CDK14: variants seen among roughly 807,000 people sequenced by gnomAD.
CDK14 encodes cyclin dependent kinase 14.
CDK14 carries 34 observed loss-of-function variants against 60.7 expected under a neutral mutation model. That is an observed-to-expected ratio of 0.56 (90% CI 0.43 to 0.75). The LOEUF is 0.75. CDK14 is among the 30% of genes least tolerant of loss of function. The pLI is 0.00. For missense variants in CDK14, 482 were observed against 564.1 expected, an observed-to-expected ratio of 0.85 and a Z score of 1.47; for synonymous variants, 197 against 203.7, an observed-to-expected ratio of 0.97 and a Z score of 0.28.
At chr7:91,002,352 A>G (rs997784868) in intron 10 of CDK14, among the ~76,000 whole-genome samples, 5 of 152,214 alleles carry the variant, frequency 3.3e-5, no homozygotes, top group South Asian at 4.1e-4. Context: ...TATCTCTTAT[A>G]TATTTAAAAA....
At chr7:91,008,137 A>C (rs951717107) in intron 10 of CDK14, among the ~76,000 whole-genome samples, 2 of 143,576 alleles carry the variant, frequency 1.4e-5, no homozygotes, top group Admixed American at 6.9e-5. Context: ...CAAAAAAAAA[A>C]AAAAAAAACA....
At chr7:90,858,549 G>A (rs950563896) in intron 5 of CDK14, among the ~76,000 whole-genome samples, 7 of 152,142 alleles carry the variant, frequency 4.6e-5, no homozygotes, top group African/African-American at 1.7e-4. Context: ...TGCAAATAAT[G>A]TTCAATAATA....
At chr7:91,139,654 C>A (rs563972710) in intron 14 of CDK14, among the ~76,000 whole-genome samples, 1 of 152,198 alleles carries the variant, frequency 6.6e-6, no homozygotes, top group African/African-American at 2.4e-5. Context: ...AATGATTTCC[C>A]ATGTTCCTTG....
chr7:90,899,335 G>A lies in CDK14; in HGVS notation c.684G>A (p.Leu228=), dbSNP rs184702498. 1.9e-6 allele frequency: 3 copies of A among 1,601,494 alleles called. No homozygotes were observed. The African/African-American group carries it at 4.0e-5, about 22-fold the overall frequency. The change falls in exon 7 of 15, where the codon CTG becomes CTA. Residue 228 remains leucine, a synonymous_variant. Transcript: ENST00000380050. ...CQYMDKHPGG[L]HPDNVKLFLF... is the part of the protein sequence containing the mutation. ...ACATGGACAAGCACCCTGGGGGGCT[G>A]CATCCAGATAATGTGAAGGTAGGAA...
chr7:90,973,868 A>C (rs1335146944), intron 9 of CDK14, among the ~76,000 whole-genome samples: 1 of 152,130 alleles, frequency 6.6e-6, no homozygotes, highest in South Asian at 2.1e-4. Context: ...CCCACTGTGC[A>C]CGCATTGTCT....
chr7:90,974,352 T>C (rs993335169), intron 9 of CDK14, among the ~76,000 whole-genome samples: 1 of 152,178 alleles, frequency 6.6e-6, no homozygotes, highest in Admixed American at 6.6e-5. Flanking sequence ...CACAGGGTCC[T>C]GAGGCGACAT....
chr7:90,825,667 G>A (rs185999130), intron 5 of CDK14, among the ~76,000 whole-genome samples: 17 of 152,220 alleles, frequency 1.1e-4, no homozygotes, highest in African/African-American at 2.4e-4. Flanking sequence ...CAAATTATAC[G>A]AAATGTATTT....
At chr7:90,638,639 G>T (rs957739413) in intron 2 of CDK14, among the ~76,000 whole-genome samples, 2 of 152,064 alleles carry the variant, frequency 1.3e-5, no homozygotes, top group African/African-American at 2.4e-5. Flanking sequence ...GAGTATCTTT[G>T]TGGCGTTCTC....
At chr7:90,760,898 G>T (rs1485180635) in intron 4 of CDK14, among the ~76,000 whole-genome samples, 4 of 152,172 alleles carry the variant, frequency 2.6e-5, no homozygotes, top group African/African-American at 9.7e-5. Flanking sequence ...GTCCAAGGAG[G>T]ATAATAGCCC....
rs1462264999 is a variant in CDK14, at chr7:90,744,697, C to CTTTATTCTTAT, written c.370-2982_370-2981insTATTCTTATTT. 2.0e-3 allele frequency among the ~76,000 whole-genome samples: 207 copies of CTTTATTCTTAT among 103,930 alleles called. 1 individual carries two copies. Among genetic ancestry groups the CTTTATTCTTAT allele is most frequent in the Middle Eastern group, 4.9e-3 (1 of 204 alleles). The allele number at this position is 103,930 out of a possible 152,430, so 68.2% of individuals were successfully genotyped here. The stretch of plus-strand genomic sequence containing the variant: ...GCTGGCCGGGCAGAGGGGCTCCTCA[C>CTTTATTCTTAT]TTCCCAGTAGGGGCGGCCGGGCAGA... On this transcript the variant is annotated intron_variant, in intron 3 of 14. Transcript: ENST00000380050.
intron 2 of CDK14, 70 bp from the exon 3 acceptor site, chr7:90,726,497 A>G (rs1802637016): frequency 1.3e-6 from 2 of 1,493,838 alleles, no homozygotes; most frequent in Non-Finnish European, 1.8e-6. Context: ...TTCTAGAGTT[A>G]TATATTGGCA....
In CDK14 at chr7:90,711,882, A is replaced by ACGTTTTTTTTTTTT. The variant is rs1408956904; in HGVS notation, c.124-14685_124-14684insCGTTTTTTTTTTTT. Among the ~76,000 whole-genome samples the ACGTTTTTTTTTTTT allele has an allele frequency of 4.5e-5, 5 of 110,820 alleles. 1 individual carries two copies. Among genetic ancestry groups the ACGTTTTTTTTTTTT allele is most frequent in the Non-Finnish European group, 5.5e-5 (3 of 54,884 alleles). The allele number at this position is 110,820 out of a possible 152,430, so 72.7% of individuals were successfully genotyped here. A position where few individuals can be genotyped will look rare whatever the true frequency, so the allele number is the denominator to read the frequency against. On this transcript the variant is annotated intron_variant, in intron 2 of 14. Transcript: ENST00000380050. ...GTTCTTATGGAACTTATAGTCTACT[A>ACGTTTTTTTTTTTT]TGTTTTTTTTTTTTTTTTTCAATTG...
chr7:90,627,608 A>C (rs970499724), intron 2 of CDK14, among the ~76,000 whole-genome samples: 1 of 152,246 alleles, frequency 6.6e-6, no homozygotes, highest in Non-Finnish European at 1.5e-5. Context: ...GAAAAGAGAC[A>C]TGAATCTGGC....
intron 2 of CDK14, among the ~76,000 whole-genome samples, chr7:90,663,973 A>G (rs1800918584): frequency 6.6e-6 from 1 of 152,154 alleles, no homozygotes; most frequent in African/African-American, 2.4e-5. Flanking sequence ...GCTTCTGCAC[A>G]GCAAAAGAAA....
chr7:90,697,316 AT>A (rs1801680513), intron 2 of CDK14, among the ~76,000 whole-genome samples: 1 of 152,146 alleles, frequency 6.6e-6, no homozygotes, highest in South Asian at 2.1e-4. Flanking sequence ...ACATGAGAAA[AT>A]TGTCATTGAA....
intron 9 of CDK14, among the ~76,000 whole-genome samples, chr7:90,970,563 A>C (rs955843149): frequency 1.3e-5 from 2 of 152,234 alleles, no homozygotes; most frequent in Non-Finnish European, 2.9e-5. Flanking sequence ...CCCTGGATTC[A>C]GGAGATGCAG....
chr7:90,973,301 T>A (rs1794979872), intron 9 of CDK14, among the ~76,000 whole-genome samples: 1 of 152,112 alleles, frequency 6.6e-6, no homozygotes, highest in Non-Finnish European at 1.5e-5. Flanking sequence ...ATAGTCTAAG[T>A]TTGATGAGTC....
intron 2 of CDK14, among the ~76,000 whole-genome samples, chr7:90,672,965 T>C (rs979145910): frequency 6.6e-6 from 1 of 152,198 alleles, no homozygotes; most frequent in Non-Finnish European, 1.5e-5. Context: ...TCTAAGATAC[T>C]GGACACATTT....
rs1046495599 is a variant in CDK14 at position 90,668,726 on chromosome 7, T to C, written c.124-57841T>C. 2.1e-4 allele frequency among the ~76,000 whole-genome samples: 14 copies of C among 65,320 alleles called. 1 individual carries two copies. The highest frequency in any genetic ancestry group is 6.9e-4 in the African/African-American group (11 of 15,930). 42.9% of individuals were successfully genotyped at this position (65,320 alleles called of 152,430 possible). A position where few individuals can be genotyped will look rare whatever the true frequency, so the allele number is the denominator to read the frequency against. ...TTTTTTTTTTTTTTTTTTTTTTTTT[T>C]CAACTGGGGCCTTGTTCTGTTGCCC... On this transcript the variant is annotated intron_variant, in intron 2 of 14. Coordinates refer to ENST00000380050, the MANE Select transcript of CDK14 (RefSeq NM_001287135.2).
Sources: gnomAD v4.1 joint callset for allele counts (sites outside exome capture counted in the v4.1 genomes callset) on GRCh38, gnomAD v4.1.1 for gene constraint, MANE v1.5 for transcripts, NCBI Gene and HGNC (gene_info 2026-07-23, HGNC 2026-07-21) for gene names.